Variants in LPP observed in about 807,000 individuals in gnomAD.
LPP encodes LIM domain containing preferred translocation partner in lipoma, also known as lipoma-preferred partner.
LPP carries 38 observed loss-of-function variants against 60.4 expected under a neutral mutation model. The observed-to-expected ratio is 0.63, with a 90% CI of 0.49 to 0.83. The LOEUF (loss-of-function observed/expected upper bound fraction) is 0.83, where lower values mean the gene tolerates loss of function less well. Ranked by LOEUF, LPP falls within the 40% of genes least tolerant of loss-of-function variation. The pLI is 0.00. For synonymous variants in LPP, 328 were observed against 290.8 expected, an observed-to-expected ratio of 1.13 and a Z score of -1.30; for missense variants, 902 against 783.6, an observed-to-expected ratio of 1.15 and a Z score of -1.80.
At position 188,298,230 on chromosome 3, in the gene LPP, G is replaced by A. The variant is rs574697132; in HGVS notation, c.-66-43433G>A. 4.6e-5 allele frequency among the ~76,000 whole-genome samples: 7 copies of A among 152,108 alleles called. No homozygotes were observed. The South Asian group carries it at 6.2e-4, about 14-fold the overall frequency. ...AGGATCCTCTTCTCTGGAAATCCTC[G>A]ACAGATCACACTTCTCTTTTCTTGG... is the stretch of plus-strand genomic sequence containing the variant. On this transcript the variant is annotated intron_variant, in intron 2 of 11. Coordinates refer to ENST00000617246, the MANE Select transcript of LPP (RefSeq NM_001375462.1).
chr3:188,737,855 A>G (rs894276859), intron 8 of LPP, among the ~76,000 whole-genome samples: 42 of 152,176 alleles, frequency 2.8e-4, no homozygotes, highest in African/African-American at 9.4e-4. Context: ...GAGTTGAGAA[A>G]AATCTGTGCT....
intron 6 of LPP, among the ~76,000 whole-genome samples, chr3:188,539,375 T>C (rs1171887893): frequency 6.6e-6 from 1 of 152,160 alleles, no homozygotes. Context: ...GAAATCTACC[T>C]GGATGATCAC....
rs1560176459 is a variant in LPP at position 188,265,873 on chromosome 3, GTGT to G, written c.-67+40347_-67+40349del. Among the ~76,000 whole-genome samples, 965 of 131,678 alleles carry G rather than the reference GTGT, an allele frequency of 7.3e-3. 8 individuals are homozygous for G. The highest frequency in any genetic ancestry group is 0.033 in the African/African-American group (919 of 28,038). 86.4% of individuals were successfully genotyped at this position (131,678 alleles called of 152,430 possible). The stretch of plus-strand genomic sequence containing the variant: ...AGGGCTGTGATAGGATTACTCTGGT[GTGT>G]GTGTGTGTGTGTGTGTGTGTGTGTG... On this transcript the variant is annotated intron_variant, in intron 2 of 11. Coordinates refer to ENST00000617246, the MANE Select transcript of LPP (RefSeq NM_001375462.1).
At chr3:188,320,855 A>G (rs1317363256) in intron 2 of LPP, among the ~76,000 whole-genome samples, 1 of 152,194 alleles carries the variant, frequency 6.6e-6, no homozygotes, top group Non-Finnish European at 1.5e-5. Context: ...GATCTAGAAA[A>G]AAGAGATTGT....
rs1004368539 is a variant in LPP, at chr3:188,884,884, A to C, written c.*10405A>C. The C allele has an allele frequency of 1.3e-5, 3 of 224,404 alleles. No individual in the cohort carries two copies. The highest frequency in any genetic ancestry group is 6.7e-5 in the African/African-American group (3 of 44,796). 13.9% of individuals were successfully genotyped at this position (224,404 alleles called of 1,614,324 possible). A position where few individuals can be genotyped will look rare whatever the true frequency, so the allele number is the denominator to read the frequency against. Reference sequence around the variant, plus strand: ...ATGAGCTAACAATGTCTGAAAACAAATGTTATGGAACTGTTGGCATTTCTG... The same window carrying C: ...ATGAGCTAACAATGTCTGAAAACAACTGTTATGGAACTGTTGGCATTTCTG... On this transcript the variant is annotated 3_prime_UTR_variant, in exon 12 of 12. Transcript: ENST00000617246.
chr3:188,767,550 A>G (rs1734557453), intron 9 of LPP, among the ~76,000 whole-genome samples: 1 of 152,184 alleles, frequency 6.6e-6, no homozygotes, highest in Non-Finnish European at 1.5e-5. Context: ...TATGCAAACA[A>G]AGAGTTTCTA....
chr3:188,303,278 T>C (rs1387561609), intron 2 of LPP, among the ~76,000 whole-genome samples: 1 of 152,220 alleles, frequency 6.6e-6, no homozygotes, highest in African/African-American at 2.4e-5. Context: ...CACAAAAACA[T>C]GCAGTAGGCT....
chr3:188,843,061 CT>C (rs750453403), intron 9 of LPP, among the ~76,000 whole-genome samples: 8 of 152,092 alleles, frequency 5.3e-5, no homozygotes, highest in Non-Finnish European at 7.4e-5. Flanking sequence ...CAGTCTTCAT[CT>C]TTTTGTTGTT....
intron 1 of LPP, chr3:188,179,426 C>T (rs1411864186): frequency 2.2e-6 from 1 of 457,914 alleles, no homozygotes; most frequent in Admixed American, 2.3e-5. Context: ...GGCCACCTGA[C>T]ATTCTGTCCT....
In LPP at chr3:188,737,609, G is replaced by C. The variant is rs148416533; in HGVS notation, c.1241-22504G>C. ...GTGAGATGGAGGCAGCAAATATTCA[G>C]TGTGTTCTTTTTGGTCTTAAGTAGT... is the stretch of plus-strand genomic sequence containing the variant. On this transcript the variant is annotated intron_variant, in intron 8 of 11. Coordinates refer to ENST00000617246, the MANE Select transcript of LPP (RefSeq NM_001375462.1). Among the ~76,000 whole-genome samples the C allele has an allele frequency of 5.1e-3, 779 of 152,284 alleles. 7 individuals are homozygous for C. The highest frequency in any genetic ancestry group is 0.019 in the South Asian group (92 of 4,828).
intron 4 of LPP, among the ~76,000 whole-genome samples, chr3:188,444,612 A>G (rs778222226): frequency 2.0e-5 from 3 of 152,224 alleles, no homozygotes; most frequent in Non-Finnish European, 4.4e-5. Context: ...AGCAATGCCA[A>G]CAAAAGCCAA....
At chr3:188,423,804 G>T (rs4686958) in intron 4 of LPP, among the ~76,000 whole-genome samples, 90,318 of 151,198 alleles carry the variant, frequency 0.6, 29,407 homozygotes, top group East Asian at 0.98. Flanking sequence ...GGCATTGTTT[G>T]TTTTTTTCTT....
At chr3:188,558,289 T>C (rs185174224) in intron 6 of LPP, among the ~76,000 whole-genome samples, 253 of 152,252 alleles carry the variant, frequency 1.7e-3, no homozygotes, top group Non-Finnish European at 2.6e-3. Context: ...ACCTCTTCAG[T>C]GAGCTCTATA....
chr3:188,222,883 T>A (rs1337398468), intron 1 of LPP, among the ~76,000 whole-genome samples: 1 of 152,148 alleles, frequency 6.6e-6, no homozygotes, highest in Non-Finnish European at 1.5e-5. Flanking sequence ...ATGTTTGAGG[T>A]CAGGAGTATA....
intron 4 of LPP, among the ~76,000 whole-genome samples, chr3:188,454,909 G>C (rs1560426366): frequency 1.3e-5 from 2 of 152,148 alleles, no homozygotes; most frequent in African/African-American, 4.8e-5. Flanking sequence ...GCCATGACTA[G>C]AATAAACCAC....
intron 9 of LPP, among the ~76,000 whole-genome samples, chr3:188,843,145 A>C (rs1333330239): frequency 6.6e-6 from 1 of 152,168 alleles, no homozygotes; most frequent in African/African-American, 2.4e-5. Context: ...TAAGGGAAAA[A>C]CATGGGAATA....
At chr3:188,377,486 A>C (rs1033786360) in intron 3 of LPP, among the ~76,000 whole-genome samples, 10 of 152,060 alleles carry the variant, frequency 6.6e-5, no homozygotes, top group Non-Finnish European at 1.3e-4. Context: ...CCTTTCTTCC[A>C]GTTGATCGCA....
intron 9 of LPP, among the ~76,000 whole-genome samples, chr3:188,820,040 A>C (rs1753543382): frequency 6.6e-6 from 1 of 152,204 alleles, no homozygotes; most frequent in Admixed American, 6.5e-5. Flanking sequence ...TCAGCTACAC[A>C]TGGATAATCC....
At chr3:188,718,633 A>G (rs1274051933) in intron 8 of LPP, among the ~76,000 whole-genome samples, 1 of 152,160 alleles carries the variant, frequency 6.6e-6, no homozygotes, top group Non-Finnish European at 1.5e-5. Flanking sequence ...GCAACAATTT[A>G]TGTTTAGTTC....
Sources: gnomAD v4.1 joint callset for allele counts (sites outside exome capture counted in the v4.1 genomes callset) on GRCh38, gnomAD v4.1.1 for gene constraint, MANE v1.5 for transcripts, NCBI Gene and HGNC (gene_info 2026-07-23, HGNC 2026-07-21) for gene names.